The following ARFGEF3 variants were observed in gnomAD, a reference collection of about 807,000 sequenced individuals.
ARFGEF3 encodes the protein brefeldin A-inhibited guanine nucleotide-exchange protein 3.
In ARFGEF3, 96 loss-of-function variants were observed where a neutral mutation model predicts 221.7. The observed-to-expected ratio is 0.43, with a 90% CI of 0.37 to 0.51. The LOEUF (loss-of-function observed/expected upper bound fraction) is 0.51, where lower values mean the gene tolerates loss of function less well. ARFGEF3 is among the 20% of genes least tolerant of loss of function. The pLI is 0.00. For missense variants in ARFGEF3, 2,410 were observed against 2,789.9 expected, an observed-to-expected ratio of 0.86 and a Z score of 3.07; for synonymous variants, 1,145 against 1,126.8, an observed-to-expected ratio of 1.02 and a Z score of -0.32.
chr6:138,286,004 A>G lies in ARFGEF3; in HGVS notation c.2520A>G (p.Thr840=), dbSNP rs754771110. The change falls in exon 15 of 34, where the codon ACA becomes ACG. Residue 840 remains threonine (T), a synonymous_variant. Transcript: ENST00000251691. ...IGGQLMASAA[T]ESPFAQSRRI... Reference sequence around the variant, plus strand: ...GCCAGCTGATGGCCTCGGCTGCTACAGAGTCTCCTTTCGCCCAGAGCAGGA... The same window carrying G: ...GCCAGCTGATGGCCTCGGCTGCTACGGAGTCTCCTTTCGCCCAGAGCAGGA... 1.2e-6 allele frequency: 2 copies of G among 1,610,754 alleles called. No individual in the cohort carries two copies. The highest frequency in any genetic ancestry group is 1.1e-5 in the South Asian group (1 of 91,086).
chr6:138,311,231 A>G (rs1363957226), intron 24 of ARFGEF3, among the ~76,000 whole-genome samples, 176 bp from the exon 25 acceptor site: 7 of 152,230 alleles, frequency 4.6e-5, no homozygotes, highest in African/African-American at 4.8e-5. Context: ...AGCTGGGAGA[A>G]TGGCTGAAAG....
At position 138,289,802 on chromosome 6, in the gene ARFGEF3, T is replaced by C. The variant is rs946113248; in HGVS notation, c.2897-16T>C. ...TTACTCAACCTGTTATTTTAATAAA[T>C]GTCTTTCTGGCACAGTGAAACTAAA... is the stretch of plus-strand genomic sequence containing the variant. On this transcript the variant is annotated splice_polypyrimidine_tract_variant and intron_variant, in intron 17 of 33. Transcript: ENST00000251691. The C allele has an allele frequency of 6.2e-7, 1 of 1,610,642 alleles. No homozygotes were observed. Among genetic ancestry groups the C allele is most frequent in the Non-Finnish European group, 8.5e-7 (1 of 1,178,156 alleles).
intron 2 of ARFGEF3, among the ~76,000 whole-genome samples, chr6:138,204,624 CA>C (rs555950999): frequency 1.8e-3 from 280 of 152,242 alleles, no homozygotes; most frequent in African/African-American, 6.3e-3. Flanking sequence ...GGCTCTTTAC[CA>C]AAGAAGTTTG....
rs1300068649 is a variant in ARFGEF3, at chr6:138,296,940, C to G, written c.3633C>G (p.Ala1211=). 6.2e-7 allele frequency: 1 copy of G among 1,612,914 alleles called. No homozygotes were observed. The highest frequency in any genetic ancestry group is 1.3e-5 in the African/African-American group (1 of 74,996). The change falls in exon 21 of 34, where the codon GCC becomes GCG. Residue 1211 remains alanine, a synonymous_variant. Transcript: ENST00000251691. Reference sequence around the variant, plus strand: ...TGATGCGCTGCTGGAGCCTTGTGGCCCCACACCTGGTGGAGGTGAGCACTG... The same window carrying G: ...TGATGCGCTGCTGGAGCCTTGTGGCGCCACACCTGGTGGAGGTGAGCACTG... ...LHVMRCWSLV[A]PHLVEAACHK... is the part of the protein sequence containing the mutation.
intron 5 of ARFGEF3, among the ~76,000 whole-genome samples, chr6:138,230,711 G>C (rs893852222): frequency 6.6e-6 from 1 of 152,132 alleles, no homozygotes; most frequent in African/African-American, 2.4e-5. Context: ...ATTTTTATGT[G>C]ACTGTCAAAA....
intron 29 of ARFGEF3, 28 bp downstream of exon 29, chr6:138,321,253 C>G (rs1289076641): frequency 2.0e-5 from 24 of 1,200,300 alleles, no homozygotes; most frequent in Admixed American, 1.3e-4. Context: ...TGACTCTCCA[C>G]AAAGCTGGAG....
Position 138,220,809 on chromosome 6 carries a change from T to C in ARFGEF3, c.352-8975T>C, listed in dbSNP as rs1258824008. Among the ~76,000 whole-genome samples the C allele has an allele frequency of 5.3e-5, 8 of 152,238 alleles. No homozygotes were observed. The South Asian group carries it at 1.0e-3, about 20-fold the overall frequency. On this transcript the variant is annotated intron_variant, in intron 4 of 33. Coordinates refer to ENST00000251691, the MANE Select transcript of ARFGEF3 (RefSeq NM_020340.5). ...ACACGTAACTGACCAATCCAGTTTGTTCTCCATAAGGGTTGGAATTAGTAG... is the reference window on the plus strand; with the variant it reads ...ACACGTAACTGACCAATCCAGTTTGCTCTCCATAAGGGTTGGAATTAGTAG...
chr6:138,294,116 G>A lies in ARFGEF3; in HGVS notation c.3492G>A (p.Leu1164=). 6.2e-7 allele frequency: 1 copy of A among 1,613,672 alleles called. No homozygotes were observed. The highest frequency in any genetic ancestry group is 1.1e-5 in the South Asian group (1 of 90,986). The change falls in exon 20 of 34, where the codon CTG becomes CTA. Residue 1164 remains leucine (L), a synonymous_variant. Coordinates refer to ENST00000251691, the MANE Select transcript of ARFGEF3 (RefSeq NM_020340.5). ...TTACAGATACAGTTGATTACTCTCTGGCAATGCCAGGTAATTCTTTCCCTG... is the reference window on the plus strand; with the variant it reads ...TTACAGATACAGTTGATTACTCTCTAGCAATGCCAGGTAATTCTTTCCCTG... ...HSVTDTVDYS[L]AMPGEVKSTQ... is the part of the protein sequence containing the mutation.
chr6:138,323,081 A>G (rs956429677), intron 29 of ARFGEF3, among the ~76,000 whole-genome samples: 3 of 152,094 alleles, frequency 2.0e-5, no homozygotes, highest in East Asian at 1.9e-4. Flanking sequence ...AAATGGAACT[A>G]GAATCCAAAA....
chr6:138,247,370 G>A (rs1287369382), intron 8 of ARFGEF3, among the ~76,000 whole-genome samples: 2 of 152,102 alleles, frequency 1.3e-5, no homozygotes, highest in Non-Finnish European at 2.9e-5. Context: ...TACCTGTTGT[G>A]TAATAATTAT....
At chr6:138,276,788 A>C (rs1053208386) in intron 12 of ARFGEF3, among the ~76,000 whole-genome samples, 1 of 152,024 alleles carries the variant, frequency 6.6e-6, no homozygotes, top group African/African-American at 2.4e-5. Context: ...TCCTCAGCCT[A>C]CCAAATGGCT....
At chr6:138,215,746 C>T (rs976801285) in intron 4 of ARFGEF3, among the ~76,000 whole-genome samples, 2 of 151,838 alleles carry the variant, frequency 1.3e-5, no homozygotes, top group African/African-American at 2.4e-5. Flanking sequence ...TGTGTCTTCC[C>T]GTGATAATGA....
intron 5 of ARFGEF3, among the ~76,000 whole-genome samples, 159 bp downstream of exon 5, chr6:138,230,011 T>C (rs1442797097): frequency 6.6e-6 from 1 of 152,136 alleles, no homozygotes; most frequent in Non-Finnish European, 1.5e-5. Context: ...GGAAGCGTGC[T>C]GTGTGGTGCG....
chr6:138,321,536 A>ATCATC (rs796585343), intron 29 of ARFGEF3, among the ~76,000 whole-genome samples: 6 of 152,346 alleles, frequency 3.9e-5, no homozygotes, highest in African/African-American at 1.4e-4. Flanking sequence ...ACAATGAGAT[A>ATCATC]TCATCTCATC....
intron 16 of ARFGEF3, 54 bp downstream of exon 16, chr6:138,286,970 T>C: frequency 6.3e-7 from 1 of 1,598,118 alleles, no homozygotes; most frequent in Non-Finnish European, 8.5e-7. Context: ...TCACTGGGAA[T>C]GACCCAGCAG....
At chr6:138,173,018 A>C (rs1352389627) in intron 2 of ARFGEF3, among the ~76,000 whole-genome samples, 2 of 152,186 alleles carry the variant, frequency 1.3e-5, no homozygotes, top group Non-Finnish European at 2.9e-5. Flanking sequence ...TATAGTAGGG[A>C]GGTTAATAAA....
At chr6:138,239,694 C>T (rs989598112) in intron 6 of ARFGEF3, among the ~76,000 whole-genome samples, 4 of 151,152 alleles carry the variant, frequency 2.6e-5, no homozygotes, top group Non-Finnish European at 5.9e-5. Flanking sequence ...AGTTACAGTC[C>T]CAGATATCTC....
intron 2 of ARFGEF3, among the ~76,000 whole-genome samples, chr6:138,192,811 T>G (rs1777333966): frequency 6.6e-6 from 1 of 152,196 alleles, no homozygotes; most frequent in African/African-American, 2.4e-5. Context: ...AGTTCCATAT[T>G]TTTAGATGAA....
intron 5 of ARFGEF3, among the ~76,000 whole-genome samples, chr6:138,235,202 G>A (rs1402191533): frequency 2.6e-5 from 4 of 151,886 alleles, no homozygotes; most frequent in African/African-American, 9.7e-5. Context: ...CTACTTTTGG[G>A]GTTTATTTTG....
Sources: allele counts gnomAD v4.1 joint callset (sites outside exome capture counted in the v4.1 genomes callset), GRCh38; gene constraint gnomAD v4.1.1; transcripts MANE v1.5; gene names NCBI Gene and HGNC (gene_info 2026-07-23, HGNC 2026-07-21).